NBEA: variants seen among roughly 807,000 people sequenced by gnomAD.
NBEA encodes lysosomal-trafficking regulator 2.
A neutral mutation model predicts 343.4 loss-of-function variants in NBEA; 44 were observed. The observed-to-expected ratio is 0.13, with a 90% CI of 0.10 to 0.16. The LOEUF is 0.16. Ranked by LOEUF, NBEA falls within the 10% of genes least tolerant of loss-of-function variation. The pLI, the probability that NBEA is intolerant of heterozygous loss-of-function variation, is 1.00. For missense variants in NBEA, 2,555 were observed against 3,631.3 expected (o/e 0.70, Z 7.62); for synonymous variants, 1,175 against 1,238.7 (o/e 0.95, Z 1.08).
At chr13:35,214,185 T>A (rs1566469089) in intron 33 of NBEA, among the ~76,000 whole-genome samples, 2 of 152,104 alleles carry the variant, frequency 1.3e-5, no homozygotes, top group East Asian at 3.9e-4. Flanking sequence ...TTTGTTGTAG[T>A]TATAAATAAT....
chr13:35,425,436 T>C (rs1471091110), intron 38 of NBEA, among the ~76,000 whole-genome samples: 1 of 152,214 alleles, frequency 6.6e-6, no homozygotes, highest in African/African-American at 2.4e-5. Context: ...GGTTGTTCAG[T>C]TTCCATGTAG....
At chr13:35,167,996 TA>T (rs1593586778) in intron 24 of NBEA, among the ~76,000 whole-genome samples, 1 of 151,816 alleles carries the variant, frequency 6.6e-6, no homozygotes, top group East Asian at 1.9e-4. Context: ...TTCATAATTA[TA>T]AGAAAGAAGA....
intron 10 of NBEA, among the ~76,000 whole-genome samples, chr13:35,072,562 GTTTA>G (rs747884623): frequency 9.3e-5 from 14 of 150,822 alleles, no homozygotes; most frequent in South Asian, 4.2e-4. Flanking sequence ...TTGTTTGTTT[GTTTA>G]TTTATTTATT....
At chr13:35,453,026 C>A (rs924684701) in intron 40 of NBEA, among the ~76,000 whole-genome samples, 1 of 152,200 alleles carries the variant, frequency 6.6e-6, no homozygotes, top group African/African-American at 2.4e-5. Flanking sequence ...TAGTTCTATA[C>A]TTGCAGCCCA....
intron 31 of NBEA, among the ~76,000 whole-genome samples, chr13:35,206,224 T>G (rs2073387410): frequency 6.6e-6 from 1 of 152,156 alleles, no homozygotes; most frequent in African/African-American, 2.4e-5. Context: ...AGCTTCCACA[T>G]TAGACAAGAT....
intron 40 of NBEA, among the ~76,000 whole-genome samples, chr13:35,460,941 C>A (rs540769284): frequency 3.3e-5 from 5 of 152,204 alleles, no homozygotes; most frequent in Admixed American, 6.5e-5. Flanking sequence ...AGGCCGTACC[C>A]GGCATCACAT....
At chr13:35,220,407 G>T (rs187845676) in intron 33 of NBEA, among the ~76,000 whole-genome samples, 188 of 152,228 alleles carry the variant, frequency 1.2e-3, no homozygotes, top group Non-Finnish European at 1.5e-4. Context: ...TGCCTGTCAT[G>T]AATTTTTAGT....
At chr13:35,304,139 A>G (rs982608436) in intron 35 of NBEA, among the ~76,000 whole-genome samples, 1 of 152,196 alleles carries the variant, frequency 6.6e-6, no homozygotes, top group Non-Finnish European at 1.5e-5. Flanking sequence ...GAAAATGTTT[A>G]ATATTCTCTT....
At chr13:35,033,868 T>C (rs1325185649) in intron 1 of NBEA, among the ~76,000 whole-genome samples, 1 of 151,954 alleles carries the variant, frequency 6.6e-6, no homozygotes, top group African/African-American at 2.4e-5. Context: ...CCTGTAACTT[T>C]ACTGAATTTG....
chr13:35,610,823 T>A (rs2153054433), intron 48 of NBEA, among the ~76,000 whole-genome samples: 1 of 151,948 alleles, frequency 6.6e-6, no homozygotes, highest in Admixed American at 6.5e-5. Context: ...CTAAAATATA[T>A]AAAGAGCACT....
At chr13:35,019,487 C>A (rs1283038612) in intron 1 of NBEA, among the ~76,000 whole-genome samples, 1 of 151,650 alleles carries the variant, frequency 6.6e-6, no homozygotes, top group African/African-American at 2.4e-5. Flanking sequence ...TTAGTAGATA[C>A]AGGGTCTCAC....
At chr13:35,605,262 C>A (rs909533391) in intron 47 of NBEA, among the ~76,000 whole-genome samples, 1 of 152,092 alleles carries the variant, frequency 6.6e-6, no homozygotes, top group East Asian at 1.9e-4. Context: ...TCACAGTGAT[C>A]ATCATAAGAG....
intron 41 of NBEA, among the ~76,000 whole-genome samples, chr13:35,501,820 G>A (rs752903411): frequency 2.6e-5 from 4 of 152,072 alleles, no homozygotes; most frequent in Non-Finnish European, 5.9e-5. Flanking sequence ...CAACTGCAAA[G>A]CCTCCAATAT....
At chr13:34,977,455 T>G (rs1424394412) in intron 1 of NBEA, among the ~76,000 whole-genome samples, 1 of 151,956 alleles carries the variant, frequency 6.6e-6, no homozygotes, top group Admixed American at 6.6e-5. Context: ...ACTACAGTCA[T>G]GTGCCACTGC....
intron 1 of NBEA, among the ~76,000 whole-genome samples, chr13:34,965,842 G>C (rs1466659290): frequency 2.6e-5 from 4 of 151,996 alleles, no homozygotes; most frequent in African/African-American, 9.7e-5. Flanking sequence ...GAAAACAGTT[G>C]TTTCCAAAAC....
intron 1 of NBEA, among the ~76,000 whole-genome samples, chr13:34,992,816 G>A (rs866363629): frequency 4.7e-4 from 69 of 147,496 alleles, no homozygotes; most frequent in African/African-American, 1.7e-3. Context: ...GGGACTACAG[G>A]CCCCCGCCAC....
At chr13:35,003,764 G>A (rs970922301) in intron 1 of NBEA, among the ~76,000 whole-genome samples, 17 of 151,858 alleles carry the variant, frequency 1.1e-4, no homozygotes, top group Middle Eastern at 3.4e-3. Flanking sequence ...ATGCTTTGTC[G>A]TCTTTTTTTA....
chr13:35,131,719 A>G (rs938231355), intron 17 of NBEA, among the ~76,000 whole-genome samples: 5 of 152,192 alleles, frequency 3.3e-5, no homozygotes, highest in Admixed American at 1.3e-4. Flanking sequence ...AAAGCTAGCA[A>G]AATTGTTTTC....
In NBEA at chr13:35,615,129, C is replaced by CAAA. The variant is rs34475826; in HGVS notation, c.7449+8563_7449+8565dup. On this transcript the variant is annotated intron_variant, in intron 48 of 58. Coordinates refer to ENST00000379939, the MANE Select transcript of NBEA (RefSeq NM_001385012.1). ...TGAAACCCCATCTCTACTAAAAATA[C>CAAA]AAAAAAAAAAAAAACAAAAAAAAAT... 8.1e-4 allele frequency among the ~76,000 whole-genome samples: 90 copies of CAAA among 110,974 alleles called. 2 individuals carry two copies. Among genetic ancestry groups the CAAA allele is most frequent in the African/African-American group, 2.7e-3 (78 of 28,688 alleles). 72.8% of individuals were successfully genotyped at this position (110,974 alleles called of 152,430 possible).
Sources: gnomAD v4.1 joint callset for allele counts (sites outside exome capture counted in the v4.1 genomes callset) on GRCh38, gnomAD v4.1.1 for gene constraint, MANE v1.5 for transcripts, NCBI Gene and HGNC (gene_info 2026-07-23, HGNC 2026-07-21) for gene names.